The following FTCDNL1 variants were observed in gnomAD, a reference collection of about 807,000 sequenced individuals.
The protein encoded by FTCDNL1 is formiminotransferase cyclodeaminase N-terminal like.
In FTCDNL1, 11 loss-of-function variants were observed where a neutral mutation model predicts 5.9. The observed-to-expected ratio is 1.87, with a 90% confidence interval of 1.18 to 3.10. FTCDNL1 has a LOEUF of 3.10. FTCDNL1 is among the 30% of genes most tolerant of loss of function. The pLI, the probability that FTCDNL1 is intolerant of heterozygous loss-of-function variation, is 0.00. For missense variants in FTCDNL1, 115 were observed against 65.5 expected, an observed-to-expected ratio of 1.76 and a Z score of -2.61; for synonymous variants, 58 against 24.8, an observed-to-expected ratio of 2.34 and a Z score of -3.99.
intron 3 of FTCDNL1, among the ~76,000 whole-genome samples, chr2:199,764,795 G>A (rs1698434553): frequency 6.6e-6 from 1 of 152,152 alleles, no homozygotes; most frequent in African/African-American, 2.4e-5. Context: ...TTTCTGTTGT[G>A]ACTACTCTGC....
At chr2:199,772,608 C>T (rs1698869075) in intron 3 of FTCDNL1, among the ~76,000 whole-genome samples, 1 of 152,156 alleles carries the variant, frequency 6.6e-6, no homozygotes, top group Non-Finnish European at 1.5e-5. Context: ...ACGTGTCTTA[C>T]CAAGGCCTCC....
chr2:199,738,202 T>A, the FTCDNL1 span, among the ~76,000 whole-genome samples: 1 of 152,234 alleles, frequency 6.6e-6, no homozygotes, highest in Non-Finnish European at 1.5e-5. Context: ...CTCTCCCCCA[T>A]CCCAGCCTTC....
At chr2:199,733,625 A>T in the FTCDNL1 span, among the ~76,000 whole-genome samples, 1 of 152,192 alleles carries the variant, frequency 6.6e-6, no homozygotes. Context: ...ATTAGAAACC[A>T]TCAATGTCAG....
the FTCDNL1 span, among the ~76,000 whole-genome samples, chr2:199,752,868 G>A: frequency 6.6e-6 from 1 of 151,986 alleles, no homozygotes; most frequent in African/African-American, 2.4e-5. Flanking sequence ...GAGAGAGAGA[G>A]AGAGAAGTAT....
intron 3 of FTCDNL1, among the ~76,000 whole-genome samples, chr2:199,837,451 T>A (rs1359330931): frequency 6.6e-6 from 1 of 152,220 alleles, no homozygotes; most frequent in African/African-American, 2.4e-5. Context: ...AATTGACTGA[T>A]CTCAACCAAA....
chr2:199,668,402 G>A, the FTCDNL1 span, among the ~76,000 whole-genome samples: 12 of 152,090 alleles, frequency 7.9e-5, 1 homozygote, highest in Admixed American at 7.9e-4. Flanking sequence ...CTTCAGAAAT[G>A]GAAACTTCTC....
chr2:199,715,479 G>A, the FTCDNL1 span, among the ~76,000 whole-genome samples: 1 of 152,168 alleles, frequency 6.6e-6, no homozygotes, highest in Non-Finnish European at 1.5e-5. Flanking sequence ...CTGCCACCAC[G>A]TAAGATGTGC....
chr2:199,820,628 C>T (rs1701625191), intron 3 of FTCDNL1, among the ~76,000 whole-genome samples: 1 of 152,134 alleles, frequency 6.6e-6, no homozygotes, highest in South Asian at 2.1e-4. Flanking sequence ...ATAAGGAAGC[C>T]TAATATTTAA....
chr2:199,770,121 T>G lies in FTCDNL1; in HGVS notation c.212-9286A>C, dbSNP rs763076086. Among the ~76,000 whole-genome samples the G allele has an allele frequency of 3.3e-5, 5 of 152,306 alleles. No homozygotes were observed. In the East Asian group the frequency reaches 5.8e-4, roughly 18 times the overall value. ...CTTCATCTCAGCACCACCAGTACAG[T>G]TGATAACTTTTTTTGCTTATACCCT... On this transcript the variant is annotated intron_variant, in intron 3 of 3. Coordinates refer to the FTCDNL1 transcript ENST00000416668.
At chr2:199,704,851 C>A in the FTCDNL1 span, among the ~76,000 whole-genome samples, 1 of 152,094 alleles carries the variant, frequency 6.6e-6, no homozygotes, top group African/African-American at 2.4e-5. Flanking sequence ...TAAACCAGCC[C>A]TATCCACAGA....
intron 3 of FTCDNL1, among the ~76,000 whole-genome samples, chr2:199,797,029 C>G (rs1278374172): frequency 2.0e-5 from 3 of 152,072 alleles, no homozygotes; most frequent in African/African-American, 7.2e-5. Context: ...ATAAAAGAAT[C>G]CCCTTTTATA....
At chr2:199,704,583 C>A in the FTCDNL1 span, among the ~76,000 whole-genome samples, 695 of 152,128 alleles carry the variant, frequency 4.6e-3, 6 homozygotes, top group African/African-American at 0.016. Flanking sequence ...AAGGTGGCAC[C>A]TTGGAAAAGT....
chr2:199,788,127 G>C (rs1699753033), intron 3 of FTCDNL1, among the ~76,000 whole-genome samples: 1 of 152,164 alleles, frequency 6.6e-6, no homozygotes, highest in East Asian at 1.9e-4. Context: ...AACAATATTA[G>C]AAGATGAAAG....
chr2:199,790,558 CAG>C (rs996172438), intron 3 of FTCDNL1, among the ~76,000 whole-genome samples: 14 of 148,868 alleles, frequency 9.4e-5, no homozygotes, highest in Non-Finnish European at 1.8e-4. Context: ...AATATACAAA[CAG>C]ATCTCACAAT....
the FTCDNL1 span, among the ~76,000 whole-genome samples, chr2:199,685,519 G>A: frequency 6.6e-6 from 1 of 152,022 alleles, no homozygotes; most frequent in Non-Finnish European, 1.5e-5. Context: ...GAATTGATAG[G>A]TAGCTCCATT....
At chr2:199,677,053 T>C in the FTCDNL1 span, among the ~76,000 whole-genome samples, 27 of 152,184 alleles carry the variant, frequency 1.8e-4, no homozygotes, top group Non-Finnish European at 3.1e-4. Context: ...CTCTGCTCAT[T>C]GTGGTCATGA....
At chr2:199,779,850 A>C (rs1219747309) in intron 3 of FTCDNL1, among the ~76,000 whole-genome samples, 2 of 152,344 alleles carry the variant, frequency 1.3e-5, no homozygotes, top group Admixed American at 1.3e-4. Context: ...AGAGCTCAAC[A>C]GCCAGACTGT....
chr2:199,828,171 C>A (rs965512630), intron 3 of FTCDNL1, among the ~76,000 whole-genome samples: 1 of 152,044 alleles, frequency 6.6e-6, no homozygotes, highest in Non-Finnish European at 1.5e-5. Flanking sequence ...CAAAAAAAAT[C>A]TCATATTTAG....
At chr2:199,679,490 C>T in the FTCDNL1 span, among the ~76,000 whole-genome samples, 1 of 152,040 alleles carries the variant, frequency 6.6e-6, no homozygotes, top group Non-Finnish European at 1.5e-5. Context: ...TGATATTTGA[C>T]CTTACCACTA....
Sources: allele counts gnomAD v4.1 joint callset (sites outside exome capture counted in the v4.1 genomes callset), GRCh38; gene constraint gnomAD v4.1.1; transcripts MANE v1.5; gene names NCBI Gene and HGNC (gene_info 2026-07-23, HGNC 2026-07-21).